BEND7: variants seen among roughly 807,000 people sequenced by gnomAD.
The protein encoded by BEND7 is BEN domain-containing protein 7.
Under a neutral mutation model 50.9 loss-of-function variants are expected in BEND7, and 28 were observed. The ratio of observed to expected loss-of-function variants is 0.55; its 90% CI spans 0.41 to 0.75. The LOEUF (loss-of-function observed/expected upper bound fraction) is 0.75. Ranked by LOEUF, BEND7 falls within the 30% of genes least tolerant of loss-of-function variation. The pLI, the probability that BEND7 is intolerant of heterozygous loss-of-function variation, is 0.00. For synonymous variants in BEND7, 170 were observed against 183.9 expected (o/e 0.92, Z 0.61); for missense variants, 477 against 491.3 (o/e 0.97, Z 0.28).
intron 2 of BEND7, among the ~76,000 whole-genome samples, chr10:13,513,593 AC>A (rs2132507554): frequency 6.6e-6 from 1 of 152,034 alleles, no homozygotes; most frequent in East Asian, 1.9e-4. Flanking sequence ...CTTCTAAATT[AC>A]TTTAGAATTC....
At chr10:13,515,898 G>A (rs1448948538) in intron 2 of BEND7, among the ~76,000 whole-genome samples, 1 of 152,202 alleles carries the variant, frequency 6.6e-6, no homozygotes. Flanking sequence ...ACACAATGGT[G>A]TAGACGGGGT....
At chr10:13,487,295 A>C (rs1173809315) in intron 5 of BEND7, among the ~76,000 whole-genome samples, 1 of 152,280 alleles carries the variant, frequency 6.6e-6, no homozygotes, top group African/African-American at 2.4e-5. Flanking sequence ...TATCCAGCTA[A>C]TACACGATGA....
intron 7 of BEND7, among the ~76,000 whole-genome samples, chr10:13,448,579 G>A (rs978487085): frequency 6.6e-6 from 1 of 152,078 alleles, no homozygotes; most frequent in Non-Finnish European, 1.5e-5. Flanking sequence ...CCAACATCTT[G>A]TCCTCAGATG....
chr10:13,472,282 T>C (rs1021356130), intron 6 of BEND7, among the ~76,000 whole-genome samples: 40 of 152,150 alleles, frequency 2.6e-4, no homozygotes, highest in African/African-American at 9.2e-4. Flanking sequence ...TTGGGGTCAA[T>C]ACCCATCATC....
At chr10:13,481,301 T>C (rs981835742) in intron 5 of BEND7, among the ~76,000 whole-genome samples, 177 bp from the exon 6 acceptor site, 1 of 152,224 alleles carries the variant, frequency 6.6e-6, no homozygotes, top group African/African-American at 2.4e-5. Flanking sequence ...GGACTAGTTA[T>C]AACTTATGAA....
At chr10:13,469,809 G>A (rs1179465045) in intron 6 of BEND7, among the ~76,000 whole-genome samples, 1 of 152,162 alleles carries the variant, frequency 6.6e-6, no homozygotes, top group Non-Finnish European at 1.5e-5. Flanking sequence ...TTTCTTATTG[G>A]AAGCTTGCAT....
chr10:13,492,569 T>G (rs1020055656), intron 5 of BEND7, 42 bp downstream of exon 5: 2 of 1,605,980 alleles, frequency 1.2e-6, no homozygotes, highest in African/African-American at 2.7e-5. Flanking sequence ...TTCCCAAAAG[T>G]TACATAGCAT....
chr10:13,474,285 G>A (rs560608055), intron 6 of BEND7, among the ~76,000 whole-genome samples: 5 of 151,370 alleles, frequency 3.3e-5, no homozygotes, highest in African/African-American at 7.3e-5. Context: ...GCTGATACCC[G>A]TCATCGCTGT....
intron 6 of BEND7, among the ~76,000 whole-genome samples, chr10:13,475,219 A>C (rs753539492): frequency 6.6e-6 from 1 of 152,204 alleles, no homozygotes; most frequent in African/African-American, 2.4e-5. Context: ...GAGGCAAGCT[A>C]TATTTCTGAT....
At position 13,447,536 on chromosome 10, in the gene BEND7, C is replaced by CTTT. The variant is rs11346528; in HGVS notation, c.1184-223_1184-221dup. Among the ~76,000 whole-genome samples the CTTT allele has an allele frequency of 5.7e-3, 493 of 86,092 alleles. 6 individuals are homozygous for CTTT. Among genetic ancestry groups the CTTT allele is most frequent in the Middle Eastern group, 9.8e-3 (1 of 102 alleles). 56.5% of individuals were successfully genotyped at this position (86,092 alleles called of 152,430 possible). A position where few individuals can be genotyped will look rare whatever the true frequency, so the allele number is the denominator to read the frequency against. ...TAAAATCAACTTTCCCGTATTAAAA[C>CTTT]TTTTTTTTTTTTTTTTTTTTTTTTT... On this transcript the variant is annotated intron_variant, in intron 7 of 8. Transcript: ENST00000466271.
intron 2 of BEND7, among the ~76,000 whole-genome samples, chr10:13,524,701 G>T (rs1326333694): frequency 2.7e-5 from 4 of 147,596 alleles, no homozygotes; most frequent in Non-Finnish European, 6.0e-5. Flanking sequence ...GGACTGGAAA[G>T]ACTAGAATCC....
At chr10:13,468,933 G>A (rs1028928856) in intron 6 of BEND7, among the ~76,000 whole-genome samples, 2 of 152,248 alleles carry the variant, frequency 1.3e-5, no homozygotes, top group Non-Finnish European at 2.9e-5. Context: ...GGCTACCGCT[G>A]ACTCTTCAGA....
At chr10:13,482,019 T>A (rs574584599) in intron 5 of BEND7, among the ~76,000 whole-genome samples, 46 of 152,372 alleles carry the variant, frequency 3.0e-4, no homozygotes, top group Non-Finnish European at 4.4e-4. Context: ...AATGAACTGA[T>A]CTCCTAACTC....
At chr10:13,456,971 A>C (rs569257378) in intron 6 of BEND7, among the ~76,000 whole-genome samples, 2 of 152,346 alleles carry the variant, frequency 1.3e-5, no homozygotes, top group Non-Finnish European at 2.9e-5. Flanking sequence ...AAGGTTCTTG[A>C]AGTCCTGTTT....
intron 6 of BEND7, among the ~76,000 whole-genome samples, chr10:13,478,116 G>A (rs2075589803): frequency 6.6e-6 from 1 of 152,172 alleles, no homozygotes; most frequent in Non-Finnish European, 1.5e-5. Flanking sequence ...GAGAGAAAAT[G>A]GTTTTGGGGA....
intron 2 of BEND7, among the ~76,000 whole-genome samples, chr10:13,523,899 A>G (rs927157124): frequency 1.3e-5 from 2 of 152,250 alleles, no homozygotes; most frequent in Non-Finnish European, 2.9e-5. Context: ...AAGAATGAGC[A>G]AAAGATTGAA....
At chr10:13,475,470 C>A (rs535107617) in intron 6 of BEND7, among the ~76,000 whole-genome samples, 1 of 152,348 alleles carries the variant, frequency 6.6e-6, no homozygotes, top group Admixed American at 6.5e-5. Context: ...GTTCTATGTA[C>A]TGAAGAGTCT....
At chr10:13,455,571 C>T (rs1045506957) in intron 6 of BEND7, among the ~76,000 whole-genome samples, 4 of 151,908 alleles carry the variant, frequency 2.6e-5, no homozygotes, top group Admixed American at 6.6e-5. Flanking sequence ...TTGGGTGTGA[C>T]GTGCAGGCTG....
At position 13,492,782 on chromosome 10, in the gene BEND7, G is replaced by C; in HGVS notation, c.666C>G (p.Pro222=). 6.2e-7 allele frequency: 1 copy of C among 1,609,030 alleles called. No homozygotes were observed. Among genetic ancestry groups the C allele is most frequent in the South Asian group, 1.1e-5 (1 of 90,042 alleles). Residue 222 remains proline, a synonymous_variant, in exon 5 of 9, where the codon CCC becomes CCG. Coordinates refer to ENST00000466271, the MANE Select transcript of BEND7 (RefSeq NM_001369863.1). The part of the protein sequence containing the change: ...SRKRNKKKKV[P]PKTVEPLTVK... ...CAGTAAGAGGTTCCACAGTCTTTGG[G>C]GGCACTTTTTTCTTTTTATTTCTCT...
Sources: gnomAD v4.1 joint callset for allele counts (sites outside exome capture counted in the v4.1 genomes callset) on GRCh38, gnomAD v4.1.1 for gene constraint, MANE v1.5 for transcripts, NCBI Gene and HGNC (gene_info 2026-07-23, HGNC 2026-07-21) for gene names.